The following EDC3 variants were observed in gnomAD, a reference collection of about 807,000 sequenced individuals.
The protein encoded by EDC3 is enhancer of mRNA decapping 3.
In EDC3, 20 loss-of-function variants were observed where a neutral mutation model predicts 41.8. That is an observed-to-expected ratio of 0.48 (90% CI 0.34 to 0.70). The LOEUF is 0.70. Ranked by LOEUF, EDC3 falls within the 30% of genes least tolerant of loss-of-function variation. EDC3 has a pLI of 0.01. For missense variants in EDC3, 444 were observed against 636.8 expected (o/e 0.70, Z 3.26); for synonymous variants, 206 against 243.2 (o/e 0.85, Z 1.42).
intron 1 of EDC3, among the ~76,000 whole-genome samples, chr15:74,676,314 T>C (rs1466595247): frequency 1.3e-5 from 2 of 152,128 alleles, no homozygotes; most frequent in Non-Finnish European, 2.9e-5. Flanking sequence ...CTAAAATCAA[T>C]TGTCTAAGCT....
chr15:74,687,034 G>C, intron 1 of EDC3: 1 of 151,998 alleles, frequency 6.6e-6, no homozygotes, highest in African/African-American at 2.4e-5. Context: ...ACTCCGTCTA[G>C]AAAAAAATAA....
chr15:74,695,578 A>G (rs1388638931), intron 1 of EDC3: 1 of 152,252 alleles, frequency 6.6e-6, no homozygotes, highest in African/African-American at 2.4e-5. Context: ...AGAGTGAGTG[A>G]GCCAAAGAAC....
chr15:74,687,665 T>C (rs1191063496), intron 1 of EDC3, among the ~76,000 whole-genome samples: 1 of 152,194 alleles, frequency 6.6e-6, no homozygotes. Context: ...TGAGCCACTG[T>C]GCCTGGCCCT....
chr15:74,682,623 A>G lies in EDC3; in HGVS notation c.-18-7481T>C, dbSNP rs1317178972. On this transcript the variant is annotated intron_variant, in intron 1 of 6. Transcript: ENST00000315127. ...ACAGAGCAAGACTCCATCTCAAAAA[A>G]AAAAAAAAAAAAAACCAAAAAACTA... Among the ~76,000 whole-genome samples the G allele has an allele frequency of 3.3e-5, 5 of 151,644 alleles. No individual in the cohort carries two copies. In the East Asian group the frequency reaches 9.7e-4, roughly 29 times the overall value.
chr15:74,685,475 G>C (rs1000746279), intron 1 of EDC3, among the ~76,000 whole-genome samples: 3 of 152,138 alleles, frequency 2.0e-5, no homozygotes, highest in African/African-American at 7.2e-5. Flanking sequence ...AAATGACATA[G>C]TCTTGTTCAG....
intron 1 of EDC3, among the ~76,000 whole-genome samples, chr15:74,681,401 T>C (rs1369829845): frequency 6.6e-6 from 1 of 151,932 alleles, no homozygotes; most frequent in Non-Finnish European, 1.5e-5. Flanking sequence ...TCCACCCACC[T>C]CAGCCTCCCA....
In EDC3 at chr15:74,645,991, G is replaced by A. The variant is rs141815711; in HGVS notation, c.821-5372C>T. On this transcript the variant is annotated intron_variant, in intron 4 of 6. Coordinates refer to ENST00000315127, the MANE Select transcript of EDC3 (RefSeq NM_025083.5). ...GTCAGTGGTGAAGTGGGGAACAGCC[G>A]GGGAAACAGAGAAAATAAAACGAGT... Among the ~76,000 whole-genome samples the A allele has an allele frequency of 1.6e-3, 242 of 151,992 alleles. 1 individual carries two copies. The highest frequency in any genetic ancestry group is 6.9e-3 in the Middle Eastern group (2 of 288).
intron 4 of EDC3, 173 bp from the exon 5 acceptor site, chr15:74,640,792 T>C (rs146928633): frequency 4.2e-6 from 3 of 710,446 alleles, no homozygotes; most frequent in East Asian, 2.8e-5. Flanking sequence ...AGAGCTCAAG[T>C]AGTGACTGGT....
chr15:74,652,733 C>T (rs892143815), intron 4 of EDC3, among the ~76,000 whole-genome samples: 13 of 152,060 alleles, frequency 8.5e-5, no homozygotes, highest in African/African-American at 2.2e-4. Flanking sequence ...CACATGCCAC[C>T]GTGCCCAGCT....
chr15:74,677,228 A>G (rs2062815734), intron 1 of EDC3, among the ~76,000 whole-genome samples: 1 of 151,578 alleles, frequency 6.6e-6, no homozygotes, highest in Non-Finnish European at 1.5e-5. Flanking sequence ...ACACCTGGCT[A>G]ATTTTTGTAT....
intron 1 of EDC3, among the ~76,000 whole-genome samples, chr15:74,688,470 CA>C (rs2062963761): frequency 6.6e-6 from 1 of 152,222 alleles, no homozygotes; most frequent in African/African-American, 2.4e-5. Flanking sequence ...TCCAACACCT[CA>C]AAAGGCTCCA....
chr15:74,674,536 G>A (rs894744534), intron 2 of EDC3, among the ~76,000 whole-genome samples: 1 of 152,176 alleles, frequency 6.6e-6, no homozygotes, highest in Non-Finnish European at 1.5e-5. Flanking sequence ...GGTAGGGTAC[G>A]GAGGTTCTAG....
At chr15:74,667,839 C>T (rs1262842429) in intron 3 of EDC3, among the ~76,000 whole-genome samples, 2 of 152,202 alleles carry the variant, frequency 1.3e-5, no homozygotes, top group South Asian at 2.1e-4. Flanking sequence ...ATGCTGTGTC[C>T]TCAAGGAGAG....
chr15:74,692,055 G>A (rs1170983194), intron 1 of EDC3, among the ~76,000 whole-genome samples: 1 of 151,998 alleles, frequency 6.6e-6, no homozygotes, highest in African/African-American at 2.4e-5. Context: ...TCCTGACCTC[G>A]TGATCCGCCT....
intron 3 of EDC3, among the ~76,000 whole-genome samples, chr15:74,659,795 C>T (rs1341807311): frequency 6.6e-6 from 1 of 151,906 alleles, no homozygotes; most frequent in Non-Finnish European, 1.5e-5. Flanking sequence ...GCCTGTAATC[C>T]CAGCACTTTG....
chr15:74,635,266 A>G (rs1374031803), intron 6 of EDC3, 143 bp downstream of exon 6: 2 of 756,332 alleles, frequency 2.6e-6, no homozygotes, highest in Non-Finnish European at 4.6e-6. Context: ...GTAGTATATT[A>G]CTGTTCTAAG....
At chr15:74,659,529 ATGATG>A (rs1357816823) in intron 3 of EDC3, among the ~76,000 whole-genome samples, 4 of 146,746 alleles carry the variant, frequency 2.7e-5, no homozygotes, top group Non-Finnish European at 5.9e-5. Flanking sequence ...TAATGAAAAT[ATGATG>A]TGATTAGAGT....
At chr15:74,660,273 G>A (rs1313049534) in intron 3 of EDC3, among the ~76,000 whole-genome samples, 1 of 151,416 alleles carries the variant, frequency 6.6e-6, no homozygotes, top group African/African-American at 2.4e-5. Flanking sequence ...GCATGGTGGT[G>A]TGCACCTGTA....
chr15:74,669,572 A>C (rs1229853831), intron 3 of EDC3, among the ~76,000 whole-genome samples: 1 of 152,112 alleles, frequency 6.6e-6, no homozygotes, highest in Non-Finnish European at 1.5e-5. Flanking sequence ...GGCATCTCCA[A>C]AACTTAAAAT....
Sources: allele counts gnomAD v4.1 joint callset (sites outside exome capture counted in the v4.1 genomes callset), GRCh38; gene constraint gnomAD v4.1.1; transcripts MANE v1.5; gene names NCBI Gene and HGNC (gene_info 2026-07-23, HGNC 2026-07-21).